Variants in DLG2 observed in about 807,000 individuals in gnomAD.
DLG2 encodes the protein disks large homolog 2.
Under a neutral mutation model 132.5 loss-of-function variants are expected in DLG2, and 45 were observed. The observed-to-expected ratio is 0.34, with a 90% CI of 0.27 to 0.44. The LOEUF (loss-of-function observed/expected upper bound fraction) is 0.44, where lower values mean the gene tolerates loss of function less well. Among genes scored for constraint, DLG2 ranks in the 20% least tolerant of loss-of-function variants. DLG2 has a pLI of 1.00. For synonymous variants in DLG2, 424 were observed against 419.6 expected, an observed-to-expected ratio of 1.01 and a Z score of -0.13; for missense variants, 1,045 against 1,196.9, an observed-to-expected ratio of 0.87 and a Z score of 1.87.
At chr11:85,546,583 C>G (rs1297691167) in intron 3 of DLG2, among the ~76,000 whole-genome samples, 1 of 152,112 alleles carries the variant, frequency 6.6e-6, no homozygotes, top group East Asian at 1.9e-4. Context: ...CTAATATTGA[C>G]AGTGGGGTGT....
chr11:85,527,570 C>T (rs1462567934), intron 3 of DLG2, among the ~76,000 whole-genome samples: 2 of 152,090 alleles, frequency 1.3e-5, no homozygotes, highest in Admixed American at 6.6e-5. Flanking sequence ...TATGTATGTG[C>T]CACATTTTCT....
Position 84,517,058 on chromosome 11 carries a change from T to TAA in DLG2, c.519+17510_519+17511dup, listed in dbSNP as rs36091027. On this transcript the variant is annotated intron_variant, in intron 7 of 27. Transcript: ENST00000376104. The stretch of plus-strand genomic sequence containing the variant: ...AAATAAATAAATAAATATTCTATCC[T>TAA]AAAAAAAAAAAAAAAGATTCGCAAC... 4.1e-3 allele frequency among the ~76,000 whole-genome samples: 464 copies of TAA among 112,248 alleles called. 1 individual carries two copies. The highest frequency in any genetic ancestry group is 0.01 in the South Asian group (36 of 3,588). 73.6% of individuals were successfully genotyped at this position (112,248 alleles called of 152,430 possible).
At chr11:84,831,577 T>C (rs2079059114) in intron 6 of DLG2, among the ~76,000 whole-genome samples, 1 of 151,256 alleles carries the variant, frequency 6.6e-6, no homozygotes, top group Non-Finnish European at 1.5e-5. Flanking sequence ...CAGGAAAAAA[T>C]TAAAGGAATA....
At chr11:84,972,698 C>T (rs1035900628) in intron 6 of DLG2, among the ~76,000 whole-genome samples, 5 of 152,160 alleles carry the variant, frequency 3.3e-5, no homozygotes, top group East Asian at 1.9e-4. Context: ...AGTGTTCTCC[C>T]GAATATTAAA....
At chr11:83,850,802 A>G (rs543576705) in intron 16 of DLG2, among the ~76,000 whole-genome samples, 1 of 152,178 alleles carries the variant, frequency 6.6e-6, no homozygotes, top group Non-Finnish European at 1.5e-5. Context: ...AGCCTTGCAC[A>G]TACAAAGCTA....
chr11:84,431,520 T>C (rs1255169803), intron 7 of DLG2, among the ~76,000 whole-genome samples: 1 of 152,162 alleles, frequency 6.6e-6, no homozygotes, highest in African/African-American at 2.4e-5. Context: ...TTATATCTTT[T>C]AATTCATTTC....
chr11:84,477,272 A>G (rs1056298091), intron 7 of DLG2, among the ~76,000 whole-genome samples: 7 of 152,050 alleles, frequency 4.6e-5, no homozygotes, highest in South Asian at 4.1e-4. Flanking sequence ...AAGTGGGTGG[A>G]TAACCTGAGG....
chr11:85,361,840 A>G (rs2084179039), intron 3 of DLG2, among the ~76,000 whole-genome samples: 1 of 152,144 alleles, frequency 6.6e-6, no homozygotes. Context: ...TCTGGGGAAA[A>G]TGACATTGGT....
At chr11:84,759,722 A>G (rs980827857) in intron 6 of DLG2, among the ~76,000 whole-genome samples, 5 of 152,208 alleles carry the variant, frequency 3.3e-5, no homozygotes, top group Admixed American at 2.6e-4. Flanking sequence ...ATGATGGATG[A>G]CATTTTCTCC....
chr11:84,889,798 A>G (rs2089019150), intron 6 of DLG2, among the ~76,000 whole-genome samples: 1 of 152,144 alleles, frequency 6.6e-6, no homozygotes, highest in African/African-American at 2.4e-5. Flanking sequence ...ATGTACATCT[A>G]TCTCCTTTGT....
chr11:84,767,227 T>A (rs1186281719), intron 6 of DLG2, among the ~76,000 whole-genome samples: 1 of 151,928 alleles, frequency 6.6e-6, no homozygotes, highest in Non-Finnish European at 1.5e-5. Context: ...GTTAACTGTA[T>A]CTTATATTAG....
At chr11:84,264,925 T>C (rs2097596189) in intron 7 of DLG2, among the ~76,000 whole-genome samples, 1 of 152,174 alleles carries the variant, frequency 6.6e-6, no homozygotes, top group South Asian at 2.1e-4. Context: ...CTTAACTCTC[T>C]GAATTATTTC....
intron 3 of DLG2, among the ~76,000 whole-genome samples, chr11:85,332,245 T>C (rs1271296827): frequency 3.3e-5 from 5 of 152,246 alleles, no homozygotes; most frequent in Non-Finnish European, 7.3e-5. Context: ...CATGTGTTTG[T>C]TGTCCATAAG....
intron 6 of DLG2, among the ~76,000 whole-genome samples, chr11:85,100,414 A>C (rs2152271946): frequency 6.6e-6 from 1 of 152,332 alleles, no homozygotes; most frequent in East Asian, 1.9e-4. Context: ...TTCATAAATG[A>C]GGAAAGTAAG....
At chr11:85,594,554 G>A (rs1424820737) in intron 3 of DLG2, among the ~76,000 whole-genome samples, 3 of 152,092 alleles carry the variant, frequency 2.0e-5, no homozygotes, top group African/African-American at 7.2e-5. Context: ...AGAAGGGGTT[G>A]AAATCTGTGA....
chr11:85,453,880 C>T (rs982895312), intron 3 of DLG2, among the ~76,000 whole-genome samples: 7 of 151,932 alleles, frequency 4.6e-5, no homozygotes, highest in Non-Finnish European at 2.9e-5. Context: ...ATTTGGTCAC[C>T]CAAGTAAGCA....
intron 14 of DLG2, among the ~76,000 whole-genome samples, chr11:83,947,151 G>A (rs942453055): frequency 2.0e-5 from 3 of 152,030 alleles, no homozygotes; most frequent in African/African-American, 7.2e-5. Flanking sequence ...AATAACCACT[G>A]CATTTACTTT....
At chr11:85,127,224 TTC>T (rs998665118) in intron 5 of DLG2, among the ~76,000 whole-genome samples, 2 of 144,170 alleles carry the variant, frequency 1.4e-5, no homozygotes, top group African/African-American at 2.5e-5. Flanking sequence ...GTGCAATTCA[TTC>T]TCTCTCTCTC....
chr11:85,118,385 C>G (rs1317405117), intron 5 of DLG2, among the ~76,000 whole-genome samples: 1 of 152,058 alleles, frequency 6.6e-6, no homozygotes, highest in African/African-American at 2.4e-5. Context: ...CCCAGGTTAA[C>G]AGAGGTGCAG....
Sources: gnomAD v4.1 joint callset for allele counts (sites outside exome capture counted in the v4.1 genomes callset) on GRCh38, gnomAD v4.1.1 for gene constraint, MANE v1.5 for transcripts, NCBI Gene and HGNC (gene_info 2026-07-23, HGNC 2026-07-21) for gene names.